The following AKAP6 variants were observed in gnomAD, a reference collection of about 807,000 sequenced individuals.
AKAP6 encodes A-kinase anchoring protein 6.
A neutral mutation model predicts 188.5 loss-of-function variants in AKAP6; 58 were observed. That is an observed-to-expected ratio of 0.31 (90% confidence interval 0.25 to 0.38). The LOEUF is 0.38. Among genes scored for constraint, AKAP6 ranks in the 10% least tolerant of loss-of-function variants. AKAP6 has a pLI of 1.00. For synonymous variants in AKAP6, 989 were observed against 998.6 expected, an observed-to-expected ratio of 0.99 and a Z score of 0.18; for missense variants, 2,710 against 2,740.0, an observed-to-expected ratio of 0.99 and a Z score of 0.24.
chr14:32,449,490 C>G (rs1011161423), intron 2 of AKAP6, among the ~76,000 whole-genome samples: 1 of 147,012 alleles, frequency 6.8e-6, no homozygotes, highest in East Asian at 2.0e-4. Context: ...CCACTGCACT[C>G]CAGCCTGGGC....
At chr14:32,387,619 A>G (rs548974535) in intron 1 of AKAP6, among the ~76,000 whole-genome samples, 1 of 150,594 alleles carries the variant, frequency 6.6e-6, no homozygotes, top group Non-Finnish European at 1.5e-5. Context: ...TTTTGTTTTT[A>G]ATTCTGTTTA....
At chr14:32,615,815 C>T (rs1342092393) in intron 7 of AKAP6, among the ~76,000 whole-genome samples, 1 of 151,972 alleles carries the variant, frequency 6.6e-6, no homozygotes, top group Middle Eastern at 3.2e-3. Flanking sequence ...AGGATGGTCT[C>T]GATCTCCTGA....
chr14:32,547,660 C>A (rs1051192097), intron 4 of AKAP6, among the ~76,000 whole-genome samples: 5 of 151,992 alleles, frequency 3.3e-5, no homozygotes, highest in Non-Finnish European at 5.9e-5. Context: ...TCAGGACCGA[C>A]GGCTTGGGCA....
chr14:32,399,281 TTAA>T (rs2138609239), intron 1 of AKAP6, among the ~76,000 whole-genome samples: 1 of 152,318 alleles, frequency 6.6e-6, no homozygotes, highest in South Asian at 2.1e-4. Context: ...AGGTATGAGT[TTAA>T]TATGGTAATT....
chr14:32,565,057 G>A (rs768108177), intron 4 of AKAP6, among the ~76,000 whole-genome samples: 9 of 152,112 alleles, frequency 5.9e-5, no homozygotes, highest in Middle Eastern at 3.4e-3. Flanking sequence ...TGCATTCTTG[G>A]GCCTCATAAT....
Position 32,822,986 on chromosome 14 carries a change from T to C in AKAP6, c.5173T>C (p.Ser1725Pro), listed in dbSNP as rs1203495923. Residue 1725 changes from serine to proline, a missense_variant, in exon 13 of 14, where the codon TCA (serine) becomes CCA (proline). Coordinates refer to ENST00000280979, the MANE Select transcript of AKAP6 (RefSeq NM_004274.5). Reference protein sequence around the residue: ...NASFRKRLTRSVADESDVNVS... With the variant: ...NASFRKRLTRPVADESDVNVS... ...ATCGTTCAGGAAGCGTCTGACTCGT[T>C]CAGTGGCTGATGAAAGCGATGTCAA... is the stretch of plus-strand genomic sequence containing the variant. 6.2e-7 allele frequency: 1 copy of C among 1,613,930 alleles called. No individual in the cohort carries two copies. Among genetic ancestry groups the C allele is most frequent in the African/African-American group, 1.3e-5 (1 of 75,016 alleles).
chr14:32,597,754 G>A (rs1450131640), intron 5 of AKAP6, among the ~76,000 whole-genome samples: 3 of 152,094 alleles, frequency 2.0e-5, no homozygotes, highest in Non-Finnish European at 4.4e-5. Flanking sequence ...CAGATGAAAT[G>A]ATTCATCATT....
intron 1 of AKAP6, among the ~76,000 whole-genome samples, chr14:32,338,381 G>A (rs1374982094): frequency 6.6e-5 from 10 of 152,116 alleles, no homozygotes; most frequent in Non-Finnish European, 1.5e-4. Context: ...TTAAATGGTG[G>A]TGGAAATGTT....
chr14:32,740,629 G>C (rs1225383270), intron 11 of AKAP6, among the ~76,000 whole-genome samples: 1 of 151,916 alleles, frequency 6.6e-6, no homozygotes, highest in East Asian at 1.9e-4. Context: ...TGAAGAGACT[G>C]TCTCTTCCAC....
At chr14:32,387,007 G>T (rs1490137681) in intron 1 of AKAP6, among the ~76,000 whole-genome samples, 1 of 152,022 alleles carries the variant, frequency 6.6e-6, no homozygotes, top group Non-Finnish European at 1.5e-5. Context: ...TGGTGACTAT[G>T]GCCTTACAGT....
chr14:32,486,405 G>T (rs538520751), intron 2 of AKAP6, among the ~76,000 whole-genome samples: 5 of 152,260 alleles, frequency 3.3e-5, no homozygotes, highest in African/African-American at 9.6e-5. Flanking sequence ...ATTAATTTGG[G>T]CATTATGGCT....
At chr14:32,752,919 G>A (rs2032193870) in intron 11 of AKAP6, among the ~76,000 whole-genome samples, 1 of 152,080 alleles carries the variant, frequency 6.6e-6, no homozygotes, top group African/African-American at 2.4e-5. Flanking sequence ...GTGTGTGTAT[G>A]TGTATGAATG....
chr14:32,719,443 T>A (rs914107438), intron 9 of AKAP6, among the ~76,000 whole-genome samples: 11 of 152,356 alleles, frequency 7.2e-5, no homozygotes, highest in Non-Finnish European at 1.6e-4. Flanking sequence ...AAAGTCACCA[T>A]GTTCTGCAGC....
In AKAP6 at chr14:32,780,537, A is replaced by G. The variant is rs1361143334; in HGVS notation, c.3588+6644A>G. Among the ~76,000 whole-genome samples, 6 of 152,314 alleles carry G rather than the reference A, an allele frequency of 3.9e-5. No individual in the cohort carries two copies. In the South Asian group the frequency reaches 1.2e-3, roughly 32 times the overall value. ...AAACATCATGTCGTACACAATATAT[A>G]CATTTAAAAATCAGTCATGTCATCC... On this transcript the variant is annotated intron_variant, in intron 12 of 13. Transcript: ENST00000280979.
chr14:32,477,388 G>T (rs1464326731), intron 2 of AKAP6, among the ~76,000 whole-genome samples: 3 of 152,074 alleles, frequency 2.0e-5, no homozygotes, highest in Admixed American at 1.3e-4. Context: ...TCCATGCCTG[G>T]CGGTGTTGAA....
chr14:32,422,781 C>T (rs1446535507), intron 1 of AKAP6, among the ~76,000 whole-genome samples: 7 of 137,566 alleles, frequency 5.1e-5, no homozygotes, highest in African/African-American at 1.7e-4. Flanking sequence ...GAAATGCCAG[C>T]TCCTGGGAGC....
intron 11 of AKAP6, among the ~76,000 whole-genome samples, chr14:32,747,641 C>T (rs2031967081): frequency 6.6e-6 from 1 of 152,026 alleles, no homozygotes; most frequent in Non-Finnish European, 1.5e-5. Context: ...TCAGGACTGC[C>T]TTATAAGAAA....
At chr14:32,752,614 A>G (rs1348475167) in intron 11 of AKAP6, among the ~76,000 whole-genome samples, 1 of 152,070 alleles carries the variant, frequency 6.6e-6, no homozygotes, top group Non-Finnish European at 1.5e-5. Flanking sequence ...CACCTCATAT[A>G]CTTGTCATTT....
chr14:32,611,601 G>A (rs560142592), intron 7 of AKAP6, among the ~76,000 whole-genome samples: 33 of 152,138 alleles, frequency 2.2e-4, no homozygotes, highest in Non-Finnish European at 4.3e-4. Flanking sequence ...GAACTTTAAG[G>A]AAAGCCTAGG....
Sources: gnomAD v4.1 joint callset for allele counts (sites outside exome capture counted in the v4.1 genomes callset) on GRCh38, gnomAD v4.1.1 for gene constraint, MANE v1.5 for transcripts, NCBI Gene and HGNC (gene_info 2026-07-23, HGNC 2026-07-21) for gene names.